Variants in PLCH1 observed in about 807,000 individuals in gnomAD.
The protein encoded by PLCH1 is phospholipase C eta 1.
Under a neutral mutation model 126.7 loss-of-function variants are expected in PLCH1, and 60 were observed. The ratio of observed to expected loss-of-function variants is 0.47; its 90% CI spans 0.38 to 0.59. The LOEUF is 0.59. Among genes scored for constraint, PLCH1 ranks in the 20% least tolerant of loss-of-function variants. PLCH1 has a pLI of 0.00. For synonymous variants in PLCH1, 719 were observed against 734.9 expected, an observed-to-expected ratio of 0.98 and a Z score of 0.35; for missense variants, 1,723 against 2,040.0, an observed-to-expected ratio of 0.84 and a Z score of 2.99.
intron 8 of PLCH1, among the ~76,000 whole-genome samples, chr3:155,562,778 G>A (rs965324904): frequency 8.5e-5 from 13 of 152,070 alleles, no homozygotes; most frequent in Non-Finnish European, 1.3e-4. Flanking sequence ...ACAGGCATGC[G>A]CCCTTTCAAA....
intron 21 of PLCH1, among the ~76,000 whole-genome samples, chr3:155,458,579 A>G (rs553361744): frequency 4.1e-4 from 59 of 145,578 alleles, no homozygotes; most frequent in East Asian, 1.9e-3. Context: ...AGAAAGAAAG[A>G]AAGGAAGAAA....
intron 1 of PLCH1, among the ~76,000 whole-genome samples, chr3:155,741,640 C>A (rs190556493): frequency 1.1e-4 from 16 of 139,658 alleles, no homozygotes; most frequent in African/African-American, 4.7e-4. Context: ...TGTTTAAATA[C>A]TCTATTGTAT....
chr3:155,567,395 C>T (rs1728665487), intron 7 of PLCH1, among the ~76,000 whole-genome samples: 1 of 152,020 alleles, frequency 6.6e-6, no homozygotes, highest in East Asian at 1.9e-4. Flanking sequence ...TTAAATTATT[C>T]CTCTTCACTT....
At chr3:155,682,172 G>A (rs536812804) in intron 2 of PLCH1, among the ~76,000 whole-genome samples, 2 of 152,272 alleles carry the variant, frequency 1.3e-5, no homozygotes, top group East Asian at 3.9e-4. Flanking sequence ...TATTTACAAT[G>A]GACTCAACTC....
intron 10 of PLCH1, among the ~76,000 whole-genome samples, chr3:155,535,472 G>A (rs374404483): frequency 7.2e-5 from 11 of 152,328 alleles, no homozygotes; most frequent in African/African-American, 2.6e-4. Flanking sequence ...TGGCCTTGCT[G>A]GCTGAGTGGG....
intron 14 of PLCH1, among the ~76,000 whole-genome samples, 155 bp downstream of exon 14, chr3:155,500,548 A>G (rs1225217248): frequency 6.6e-6 from 1 of 152,240 alleles, no homozygotes; most frequent in Non-Finnish European, 1.5e-5. Context: ...TACATAAATT[A>G]TCATTTCATA....
chr3:155,520,609 G>T (rs896227395), intron 11 of PLCH1, among the ~76,000 whole-genome samples: 3 of 152,236 alleles, frequency 2.0e-5, no homozygotes, highest in African/African-American at 7.2e-5. Context: ...GAGGTGGAAA[G>T]TGTGTAGAGC....
chr3:155,589,327 C>T (rs1182306766), intron 4 of PLCH1, among the ~76,000 whole-genome samples: 1 of 151,988 alleles, frequency 6.6e-6, no homozygotes, highest in Non-Finnish European at 1.5e-5. Context: ...CGGTTGTGTT[C>T]CAATAAACCT....
intron 11 of PLCH1, among the ~76,000 whole-genome samples, chr3:155,523,328 C>T (rs1721450535): frequency 6.6e-6 from 1 of 151,922 alleles, no homozygotes; most frequent in African/African-American, 2.4e-5. Context: ...AGGGGGCTGA[C>T]ACACCAAGTG....
Position 155,693,406 on chromosome 3 carries a change from A to G in PLCH1, c.79+10740T>C, listed in dbSNP as rs1391793946. ...CGTGAACCCGGGAAGCGGAGCTTGC[A>G]GTGAGCCGAGATTGCGCCACTGCAG... On this transcript the variant is annotated intron_variant, in intron 2 of 22. Coordinates refer to ENST00000460012, the MANE Select transcript of PLCH1 (RefSeq NM_014996.4). Among the ~76,000 whole-genome samples, 2 of 32,320 alleles carry G rather than the reference A, an allele frequency of 6.2e-5. 1 individual carries two copies. Among genetic ancestry groups the G allele is most frequent in the African/African-American group, 1.4e-3 (2 of 1,386 alleles). The allele number at this position is 32,320 out of a possible 152,430, so 21.2% of individuals were successfully genotyped here.
At chr3:155,540,191 A>G (rs1406610889) in intron 10 of PLCH1, among the ~76,000 whole-genome samples, 1 of 152,198 alleles carries the variant, frequency 6.6e-6, no homozygotes, top group Non-Finnish European at 1.5e-5. Flanking sequence ...AAGCACATGT[A>G]GAAGAATGAA....
intron 2 of PLCH1, among the ~76,000 whole-genome samples, chr3:155,703,454 T>C (rs1746422981): frequency 6.6e-6 from 1 of 152,232 alleles, no homozygotes; most frequent in Admixed American, 6.5e-5. Context: ...GACAGCAGGA[T>C]TGACAGAGCT....
chr3:155,686,458 A>G lies in PLCH1; in HGVS notation c.79+17688T>C, dbSNP rs1054151577. Among the ~76,000 whole-genome samples the G allele has an allele frequency of 5.3e-5, 8 of 152,246 alleles. No individual in the cohort carries two copies. The East Asian group carries it at 9.6e-4, about 18-fold the overall frequency. ...TTGATTGTTATGGCAGTGCTTGGGAATCAGCAAGCTGCTCTACTTAGAATG... is the reference window on the plus strand; with the variant it reads ...TTGATTGTTATGGCAGTGCTTGGGAGTCAGCAAGCTGCTCTACTTAGAATG... On this transcript the variant is annotated intron_variant, in intron 2 of 22. Coordinates refer to ENST00000460012, the MANE Select transcript of PLCH1 (RefSeq NM_014996.4).
intron 1 of PLCH1, among the ~76,000 whole-genome samples, chr3:155,737,231 C>CAGAAAAAAAAA (rs1749260935): frequency 1.7e-5 from 1 of 59,518 alleles, no homozygotes. Context: ...GCCTCCGTCT[C>CAGAAAAAAAAA]AAAAAAAAAA....
chr3:155,564,764 T>C (rs954528072), intron 8 of PLCH1, 151 bp downstream of exon 8: 1 of 568,920 alleles, frequency 1.8e-6, no homozygotes, highest in African/African-American at 1.9e-5. Flanking sequence ...GAGAGAATTA[T>C]GAGTTAAGAT....
intron 21 of PLCH1, among the ~76,000 whole-genome samples, chr3:155,458,063 C>T (rs556970881): frequency 3.9e-5 from 6 of 152,114 alleles, no homozygotes; most frequent in East Asian, 1.9e-4. Flanking sequence ...TGGGTAAGGC[C>T]GGGGACAGTG....
chr3:155,732,885 A>G (rs1162370857), intron 1 of PLCH1, among the ~76,000 whole-genome samples: 1 of 151,574 alleles, frequency 6.6e-6, no homozygotes, highest in Non-Finnish European at 1.5e-5. Flanking sequence ...CTCAAAAAAA[A>G]AAAAAAAAAA....
intron 2 of PLCH1, among the ~76,000 whole-genome samples, chr3:155,685,575 A>G (rs1204279003): frequency 6.6e-6 from 1 of 152,194 alleles, no homozygotes; most frequent in Admixed American, 6.5e-5. Context: ...GTCAACAGAT[A>G]AGCAATCAAA....
intron 15 of PLCH1, among the ~76,000 whole-genome samples, chr3:155,495,344 C>T (rs1716884333): frequency 6.6e-6 from 1 of 152,144 alleles, no homozygotes; most frequent in Admixed American, 6.6e-5. Context: ...TAATATTCCA[C>T]TCTTGTCTCC....
Sources: allele counts gnomAD v4.1 joint callset (sites outside exome capture counted in the v4.1 genomes callset), GRCh38; gene constraint gnomAD v4.1.1; transcripts MANE v1.5; gene names NCBI Gene and HGNC (gene_info 2026-07-23, HGNC 2026-07-21).